Variants in BMPR1A observed in about 807,000 individuals in gnomAD.
BMPR1A encodes the protein bone morphogenetic protein receptor type 1A, also known as bone morphogenetic protein receptor type-1A.
A neutral mutation model predicts 66.0 loss-of-function variants in BMPR1A; 7 were observed. The observed-to-expected ratio is 0.11, with a 90% CI of 0.06 to 0.20. BMPR1A has a LOEUF of 0.20. BMPR1A is among the 10% of genes least tolerant of loss of function. The probability of loss-of-function intolerance (pLI) is 1.00; values close to 1 mark genes in which losing one functional copy is unlikely to be tolerated. For synonymous variants in BMPR1A, 200 were observed against 229.7 expected (o/e 0.87, Z 1.17); for missense variants, 408 against 669.1 (o/e 0.61, Z 4.31).
intron 9 of BMPR1A, among the ~76,000 whole-genome samples, chr10:86,918,712 C>T (rs1268568633): frequency 6.6e-6 from 1 of 151,630 alleles, no homozygotes; most frequent in Non-Finnish European, 1.5e-5. Flanking sequence ...CAACCTCTGC[C>T]GCCAGGTTCA....
chr10:86,890,304 G>T, intron 4 of BMPR1A, 80 bp downstream of exon 4: 3 of 1,564,100 alleles, frequency 1.9e-6, no homozygotes, highest in Non-Finnish European at 2.6e-6. Flanking sequence ...TATTAAACTT[G>T]TCTGCGGTTT....
At chr10:86,823,313 C>T (rs1224096068) in intron 1 of BMPR1A, among the ~76,000 whole-genome samples, 1 of 152,180 alleles carries the variant, frequency 6.6e-6, no homozygotes, top group African/African-American at 2.4e-5. Context: ...ACACTTAGTG[C>T]TTACTGTCTG....
intron 2 of BMPR1A, among the ~76,000 whole-genome samples, chr10:86,862,392 A>G (rs1842723439): frequency 1.3e-5 from 2 of 152,208 alleles, no homozygotes; most frequent in African/African-American, 4.8e-5. Flanking sequence ...AGGAACACCT[A>G]TTAGGCTGGA....
intron 2 of BMPR1A, among the ~76,000 whole-genome samples, chr10:86,847,426 C>T (rs998621169): frequency 2.0e-5 from 3 of 151,970 alleles, no homozygotes; most frequent in Non-Finnish European, 2.9e-5. Context: ...ATTCTTTCTT[C>T]CTTCCTTTTG....
Position 86,759,553 on chromosome 10 carries a change from A to G in BMPR1A, c.-268+2634A>G, listed in dbSNP as rs148271828. Among the ~76,000 whole-genome samples, 1,038 of 152,122 alleles carry G rather than the reference A, an allele frequency of 6.8e-3. 12 individuals carry two copies. The highest frequency in any genetic ancestry group is 0.024 in the African/African-American group (983 of 41,504). On this transcript the variant is annotated intron_variant, in intron 1 of 12. Coordinates refer to ENST00000372037, the MANE Select transcript of BMPR1A (RefSeq NM_004329.3). ...TCATACCAAACCCAAACCTTTTCCC[A>G]TTTCATCATATCTTGTCTGTAGCCA...
intron 2 of BMPR1A, 71 bp downstream of exon 2, chr10:86,839,050 A>G (rs1842390535): frequency 6.6e-6 from 1 of 152,190 alleles, no homozygotes; most frequent in Non-Finnish European, 1.5e-5. Context: ...TAATCCTTCT[A>G]CACTGCAACT....
chr10:86,801,130 C>A (rs1841805829), intron 1 of BMPR1A, among the ~76,000 whole-genome samples: 1 of 152,086 alleles, frequency 6.6e-6, no homozygotes, highest in Admixed American at 6.5e-5. Context: ...TTTTTAAATT[C>A]TTTAATTTTT....
chr10:86,901,896 A>G (rs912734634), intron 7 of BMPR1A, among the ~76,000 whole-genome samples: 1 of 117,790 alleles, frequency 8.5e-6, no homozygotes, highest in Non-Finnish European at 1.6e-5. Flanking sequence ...ATAGAGTCTC[A>G]CTCTGTCTCC....
chr10:86,854,206 GTC>G (rs1474478794), intron 2 of BMPR1A, among the ~76,000 whole-genome samples: 2 of 152,210 alleles, frequency 1.3e-5, no homozygotes, highest in Non-Finnish European at 2.9e-5. Context: ...CTCACCGGCG[GTC>G]AGAGTTTAAG....
chr10:86,897,434 G>A (rs1201927711), intron 5 of BMPR1A, among the ~76,000 whole-genome samples: 1 of 152,152 alleles, frequency 6.6e-6, no homozygotes, highest in Non-Finnish European at 1.5e-5. Context: ...CTTATTCTTA[G>A]TGAAGCCACA....
At chr10:86,854,274 C>G (rs1262784657) in intron 2 of BMPR1A, among the ~76,000 whole-genome samples, 1 of 152,044 alleles carries the variant, frequency 6.6e-6, no homozygotes, top group East Asian at 1.9e-4. Context: ...TTCAAGGTGC[C>G]CAGATTTCAT....
At position 86,876,024 on chromosome 10, in the gene BMPR1A, T is replaced by C; in HGVS notation, c.6T>C (p.Pro2=). M[P]QLYIYIRLLG... is the part of the protein sequence containing the mutation. Reference sequence around the variant, plus strand: ...GGAAACATTACAATTGAACAATGCCTCAGCTATACATTTACATCAGATTAT... The same window carrying C: ...GGAAACATTACAATTGAACAATGCCCCAGCTATACATTTACATCAGATTAT... The change falls in exon 3 of 13, where the codon CCT becomes CCC. Residue 2 remains proline (P), a synonymous_variant. Transcript: ENST00000372037. 6.2e-7 allele frequency: 1 copy of C among 1,608,688 alleles called. No individual in the cohort carries two copies. Among genetic ancestry groups the C allele is most frequent in the Non-Finnish European group, 8.5e-7 (1 of 1,175,872 alleles).
At chr10:86,876,344 G>T (rs1363841721) in intron 3 of BMPR1A, among the ~76,000 whole-genome samples, 1 of 152,182 alleles carries the variant, frequency 6.6e-6, no homozygotes, top group Non-Finnish European at 1.5e-5. Context: ...ACAGCATTAG[G>T]TCTTGTGAGG....
At chr10:86,794,871 TAGAG>T (rs1200180964) in intron 1 of BMPR1A, among the ~76,000 whole-genome samples, 5 of 151,254 alleles carry the variant, frequency 3.3e-5, no homozygotes, top group Non-Finnish European at 7.4e-5. Flanking sequence ...TTTTTTTAGA[TAGAG>T]AGTTTCGCTC....
chr10:86,793,867 A>G (rs867423142), intron 1 of BMPR1A, among the ~76,000 whole-genome samples: 10 of 152,162 alleles, frequency 6.6e-5, no homozygotes, highest in South Asian at 4.1e-4. Context: ...GTTCTAAGGA[A>G]GTATGGATTC....
chr10:86,903,801 G>C (rs1843346079), intron 7 of BMPR1A, among the ~76,000 whole-genome samples: 1 of 152,052 alleles, frequency 6.6e-6, no homozygotes, highest in Non-Finnish European at 1.5e-5. Flanking sequence ...TAGAGACGGG[G>C]TTTCATCGTG....
chr10:86,868,778 G>GTTTTT (rs55872033), intron 2 of BMPR1A, among the ~76,000 whole-genome samples: 4 of 141,046 alleles, frequency 2.8e-5, no homozygotes, highest in Admixed American at 7.0e-5. Flanking sequence ...CTTTTCCTGT[G>GTTTTT]TTTTTTTTTT....
At chr10:86,800,429 T>C (rs754175628) in intron 1 of BMPR1A, among the ~76,000 whole-genome samples, 12 of 152,216 alleles carry the variant, frequency 7.9e-5, no homozygotes, top group Non-Finnish European at 1.2e-4. Context: ...AGTTTCGCTC[T>C]TGTTGCCCAG....
At chr10:86,790,134 C>T (rs1332520025) in intron 1 of BMPR1A, among the ~76,000 whole-genome samples, 1 of 119,762 alleles carries the variant, frequency 8.3e-6, no homozygotes, top group Non-Finnish European at 1.6e-5. Flanking sequence ...TGCACTCCAG[C>T]CTGGACGACA....
Sources: gnomAD v4.1 joint callset for allele counts (sites outside exome capture counted in the v4.1 genomes callset) on GRCh38, gnomAD v4.1.1 for gene constraint, MANE v1.5 for transcripts, NCBI Gene and HGNC (gene_info 2026-07-23, HGNC 2026-07-21) for gene names.